The following HPCAL1 variants were observed in gnomAD, a reference collection of about 807,000 sequenced individuals.
HPCAL1 encodes the protein hippocalcin-like protein 1.
Under a neutral mutation model 17.1 loss-of-function variants are expected in HPCAL1, and 8 were observed. That is an observed-to-expected ratio of 0.47 (90% CI 0.27 to 0.84). The LOEUF (loss-of-function observed/expected upper bound fraction) is 0.84. HPCAL1 is among the 40% of genes least tolerant of loss of function. The pLI is 0.13. For missense variants in HPCAL1, 165 were observed against 271.1 expected (o/e 0.61, Z 2.75); for synonymous variants, 112 against 111.4 (o/e 1.01, Z -0.03).
chr2:10,427,056 A>G lies in HPCAL1; in HGVS notation c.*235A>G, dbSNP rs994023874. ...CAGGGCAACTCCCAGGGATGTGGTG[A>G]CATGCAGGGTTCAAGTGTTCTTGGT... is the stretch of plus-strand genomic sequence containing the variant. On this transcript the variant is annotated 3_prime_UTR_variant, in exon 5 of 5. Transcript: ENST00000307845. The G allele has an allele frequency of 4.1e-5, 22 of 543,188 alleles. No homozygotes were observed. The highest frequency in any genetic ancestry group is 6.1e-5 in the South Asian group (3 of 49,276). 33.6% of individuals were successfully genotyped at this position (543,188 alleles called of 1,614,324 possible).
intron 1 of HPCAL1, among the ~76,000 whole-genome samples, chr2:10,373,050 G>T (rs998114830): frequency 1.3e-5 from 2 of 152,272 alleles, no homozygotes; most frequent in African/African-American, 4.8e-5. Flanking sequence ...GCCCTGGGCA[G>T]TGTTCTGAGG....
chr2:10,323,798 A>G lies in HPCAL1; in HGVS notation c.-111+20621A>G, dbSNP rs1199832724. Reference sequence around the variant, plus strand: ...TCTTCCAGGCACTGGGGAGACATTTAAAAAACAATAACAACAACAACAAAA... The same window carrying G: ...TCTTCCAGGCACTGGGGAGACATTTGAAAAACAATAACAACAACAACAAAA... On this transcript the variant is annotated intron_variant, in intron 1 of 4. Transcript: ENST00000307845. This position sits in a 1 kb window ranked among gnomAD's most constrained non-coding sequence, Gnocchi z 4.6. Among the ~76,000 whole-genome samples the G allele has an allele frequency of 6.6e-6, 1 of 152,236 alleles. No homozygotes were observed. The highest frequency in any genetic ancestry group is 1.5e-5 in the Non-Finnish European group (1 of 68,048).
rs1253847812 is a variant in HPCAL1 at position 10,377,906 on chromosome 2, T to C, written c.-110-18929T>C. 6.6e-6 allele frequency among the ~76,000 whole-genome samples: 1 copy of C among 151,444 alleles called. No individual in the cohort carries two copies. The highest frequency in any genetic ancestry group is 1.5e-5 in the Non-Finnish European group (1 of 67,716). On this transcript the variant is annotated intron_variant, in intron 1 of 4. Transcript: ENST00000307845. This position sits in a 1 kb window ranked among gnomAD's most constrained non-coding sequence, Gnocchi z 5.9. ...ACGGGGCAGGCACAGGGAGGGCATT[T>C]CAGAGAGTGCAAGGAGGCGGCGAAG...
In HPCAL1 at chr2:10,426,960, C is replaced by G; in HGVS notation, c.*139C>G. ...GGGCATGCGTTGCACCTGCCCAGCC[C>G]GGTGGCTGCGCCTCCCTCCTCCACC... On this transcript the variant is annotated 3_prime_UTR_variant, in exon 5 of 5. Coordinates refer to ENST00000307845, the MANE Select transcript of HPCAL1 (RefSeq NM_002149.4). The G allele has an allele frequency of 2.9e-6, 2 of 695,092 alleles. No individual in the cohort carries two copies. Among genetic ancestry groups the G allele is most frequent in the South Asian group, 3.4e-5 (2 of 59,110 alleles). 43.1% of individuals were successfully genotyped at this position (695,092 alleles called of 1,614,324 possible).
rs1285438525 is a variant in HPCAL1, at chr2:10,419,476, C to A, written c.-24-258C>A. On this transcript the variant is annotated intron_variant, in intron 2 of 4. Coordinates refer to ENST00000307845, the MANE Select transcript of HPCAL1 (RefSeq NM_002149.4). This position sits in a 1 kb window ranked among gnomAD's most constrained non-coding sequence, Gnocchi z 5.0. The stretch of plus-strand genomic sequence containing the variant: ...GCCCTGTTCCACTGATTTTAAGTTG[C>A]ATTTTCCCCCCCGCATTTCCACATT... 6.6e-6 allele frequency among the ~76,000 whole-genome samples: 1 copy of A among 152,072 alleles called. No individual in the cohort carries two copies. The highest frequency in any genetic ancestry group is 1.5e-5 in the Non-Finnish European group (1 of 68,036).
rs977546683 is a variant in HPCAL1 at position 10,367,287 on chromosome 2, G to A, written c.-110-29548G>A. 6.6e-6 allele frequency among the ~76,000 whole-genome samples: 1 copy of A among 151,916 alleles called. No individual in the cohort carries two copies. Among genetic ancestry groups the A allele is most frequent in the African/African-American group, 2.4e-5 (1 of 41,354 alleles). On this transcript the variant is annotated intron_variant, in intron 1 of 4. Transcript: ENST00000307845. The surrounding 1 kb of genome is among the most constrained non-coding windows in gnomAD (Gnocchi z 4.4). ...TGTTTTAAGGGGGGATTTTGTTGCT[G>A]TCGTTGTTGTTGTTGTTTTGAGACA... is the stretch of plus-strand genomic sequence containing the variant.
intron 1 of HPCAL1, among the ~76,000 whole-genome samples, chr2:10,375,333 C>A (rs992512876): frequency 6.6e-6 from 1 of 152,204 alleles, no homozygotes; most frequent in African/African-American, 2.4e-5. Context: ...CCAGGCAGGA[C>A]AGGGCTGATG....
chr2:10,308,902 A>G (rs6714198), intron 1 of HPCAL1, among the ~76,000 whole-genome samples: 108,129 of 152,072 alleles, frequency 0.71, 38,845 homozygotes, highest in East Asian at 0.91. Context: ...AAAACAAAAC[A>G]AAACAAATCT....
intron 1 of HPCAL1, among the ~76,000 whole-genome samples, chr2:10,383,884 T>A (rs551762496): frequency 1.3e-5 from 2 of 152,092 alleles, no homozygotes; most frequent in East Asian, 3.9e-4. Context: ...GGTAGGCATG[T>A]CCCCTCAACT....
intron 1 of HPCAL1, among the ~76,000 whole-genome samples, chr2:10,358,305 G>A (rs186728134): frequency 6.6e-6 from 1 of 152,312 alleles, no homozygotes; most frequent in East Asian, 1.9e-4. Context: ...TAATAGAATC[G>A]GAGTCTCACT....
intron 1 of HPCAL1, among the ~76,000 whole-genome samples, chr2:10,361,206 G>A (rs747791900): frequency 3.3e-5 from 5 of 150,766 alleles, no homozygotes; most frequent in Admixed American, 6.6e-5. Context: ...GGTCGGGCTC[G>A]TGGGGAGATC....
At chr2:10,370,314 A>G (rs1343820099) in intron 1 of HPCAL1, among the ~76,000 whole-genome samples, 2 of 152,228 alleles carry the variant, frequency 1.3e-5, no homozygotes, top group African/African-American at 4.8e-5. Context: ...GTGCTCACCC[A>G]TGCCTGCCTG....
rs1668893099 is a variant in HPCAL1 at position 10,394,565 on chromosome 2, T to G, written c.-110-2270T>G. Among the ~76,000 whole-genome samples, 1 of 152,164 alleles carries G rather than the reference T, an allele frequency of 6.6e-6. No individual in the cohort carries two copies. The highest frequency in any genetic ancestry group is 2.4e-5 in the African/African-American group (1 of 41,440). Reference sequence around the variant, plus strand: ...GTGATGCTGTAATGGTGGGTGCGCATCGGTACACGTTTGTCAAAGCCCACG... The same window carrying G: ...GTGATGCTGTAATGGTGGGTGCGCAGCGGTACACGTTTGTCAAAGCCCACG... On this transcript the variant is annotated intron_variant, in intron 1 of 4. Transcript: ENST00000307845. This position sits in a 1 kb window ranked among gnomAD's most constrained non-coding sequence, Gnocchi z 5.0.
chr2:10,372,533 G>A (rs559707534), intron 1 of HPCAL1, among the ~76,000 whole-genome samples: 8 of 152,252 alleles, frequency 5.3e-5, no homozygotes, highest in Admixed American at 2.0e-4. Flanking sequence ...ACAGGCGAGC[G>A]TATGGCTGTG....
intron 1 of HPCAL1, among the ~76,000 whole-genome samples, chr2:10,336,405 A>G (rs2125432821): frequency 6.6e-6 from 1 of 152,326 alleles, no homozygotes; most frequent in Non-Finnish European, 1.5e-5. Context: ...ATGTTCTTCT[A>G]TGCCAATGTA....
chr2:10,336,065 C>T (rs966049254), intron 1 of HPCAL1, among the ~76,000 whole-genome samples: 3 of 151,388 alleles, frequency 2.0e-5, no homozygotes, highest in Admixed American at 2.0e-4. Flanking sequence ...ATTGCATGTG[C>T]GTATCCTCTG....
In HPCAL1 at chr2:10,330,335, G is replaced by C. The variant is rs1664280713; in HGVS notation, c.-111+27158G>C. 1 of 152,214 alleles carries C rather than the reference G, an allele frequency of 6.6e-6. No homozygotes were observed. The highest frequency in any genetic ancestry group is 1.9e-4 in the East Asian group (1 of 5,190). 9.4% of individuals were successfully genotyped at this position (152,214 alleles called of 1,614,324 possible). On this transcript the variant is annotated intron_variant, in intron 1 of 4. Transcript: ENST00000307845. The surrounding 1 kb of genome is among the most constrained non-coding windows in gnomAD (Gnocchi z 4.2). The stretch of plus-strand genomic sequence containing the variant: ...ATTCTTATTTAGTCCTCATAGGAGA[G>C]TGGCGAAGGGCAGCAGCTTTGGAGC...
chr2:10,426,782 C>T lies in HPCAL1; in HGVS notation c.543C>T (p.Arg181=). 1 of 1,613,424 alleles carries T rather than the reference C, an allele frequency of 6.2e-7. No homozygotes were observed. The highest frequency in any genetic ancestry group is 8.5e-7 in the Non-Finnish European group (1 of 1,179,990). ...CCAAGAGCGACCCCTCCATCGTCCGCCTGCTGCAGTGCGACCCCAGCAGTG... is the reference window on the plus strand; with the variant it reads ...CCAAGAGCGACCCCTCCATCGTCCGTCTGCTGCAGTGCGACCCCAGCAGTG... The part of the protein sequence containing the change: ...RGAKSDPSIV[R]LLQCDPSSAS... The change falls in exon 5 of 5, where the codon CGC becomes CGT. Residue 181 remains arginine (R), a synonymous_variant. Transcript: ENST00000307845.
chr2:10,369,723 T>C (rs988189636), intron 1 of HPCAL1, among the ~76,000 whole-genome samples: 1 of 152,180 alleles, frequency 6.6e-6, no homozygotes, highest in Non-Finnish European at 1.5e-5. Context: ...GCTAACTTTG[T>C]CCATTGGAAA....
Sources: allele counts gnomAD v4.1 joint callset (sites outside exome capture counted in the v4.1 genomes callset), GRCh38; gene constraint gnomAD v4.1.1; non-coding constraint Gnocchi (gnomAD v3.1); transcripts MANE v1.5; gene names NCBI Gene and HGNC (gene_info 2026-07-23, HGNC 2026-07-21).